OTOP1: variants seen among roughly 807,000 people sequenced by gnomAD.
OTOP1 encodes otopetrin 1, also known as proton channel OTOP1.
Under a neutral mutation model 52.9 loss-of-function variants are expected in OTOP1, and 59 were observed. The ratio of observed to expected loss-of-function variants is 1.12; its 90% CI spans 0.91 to 1.39. The LOEUF is 1.39. Ranked by LOEUF, OTOP1 falls within the 40% of genes most tolerant of loss-of-function variation. The pLI is 0.00. For synonymous variants in OTOP1, 317 were observed against 337.7 expected (o/e 0.94, Z 0.67); for missense variants, 761 against 800.9 (o/e 0.95, Z 0.60).
rs528495482 is a variant in OTOP1 at position 4,212,581 on chromosome 4, C to T, written c.540+287G>A. Among the ~76,000 whole-genome samples the T allele has an allele frequency of 1.6e-4, 24 of 152,226 alleles. No homozygotes were observed. In the South Asian group the frequency reaches 4.4e-3, roughly 28 times the overall value. On this transcript the variant is annotated intron_variant, in intron 2 of 5. Transcript: ENST00000296358. ...GTCACATACCCAGAAAATAAAATTCCCTCAAGCCTTTACTGTAGACTCTGG... is the reference window on the plus strand; with the variant it reads ...GTCACATACCCAGAAAATAAAATTCTCTCAAGCCTTTACTGTAGACTCTGG...
chr4:4,213,412 T>A (rs1429774771), intron 1 of OTOP1, among the ~76,000 whole-genome samples: 1 of 151,930 alleles, frequency 6.6e-6, no homozygotes, highest in Non-Finnish European at 1.5e-5. Context: ...AAATGAAAAA[T>A]TTTTGCACAT....
rs748162087 is a variant in OTOP1 at position 4,226,464 on chromosome 4, C to A, written c.401G>T (p.Arg134Leu). 2.8e-6 allele frequency: 4 copies of A among 1,451,626 alleles called. No homozygotes were observed. In the Admixed American group the frequency reaches 9.2e-5, roughly 33 times the overall value. 89.9% of individuals were successfully genotyped at this position (1,451,626 alleles called of 1,614,324 possible). A position where few individuals can be genotyped will look rare whatever the true frequency, so the allele number is the denominator to read the frequency against. The change falls in exon 1 of 6, where the codon CGC becomes CTC. Residue 134 changes from arginine (R) to leucine (L), a missense_variant and splice_region_variant. By Grantham distance (102) the Arg-to-Leu change is moderately radical. This residue lies in a region of OTOP1 where 632 missense variants were observed against 619.5 expected (regional missense o/e 1.02). Transcript: ENST00000296358. The part of the protein sequence containing the change: ...KDTHAGAGWL[R>L]GSITLFAVIT... ...GCTCGCCCGGCGCCTGGACTCACCG[C>A]GCAGCCAGCCGGCACCCGCGTGCGT...
intron 1 of OTOP1, among the ~76,000 whole-genome samples, chr4:4,214,041 G>A (rs185479094): frequency 6.8e-4 from 103 of 152,286 alleles, no homozygotes; most frequent in African/African-American, 2.3e-3. Context: ...AGTGAGCTGA[G>A]ATCATGCCAT....
chr4:4,205,417 C>T (rs1452902356), intron 3 of OTOP1, among the ~76,000 whole-genome samples: 1 of 152,196 alleles, frequency 6.6e-6, no homozygotes, highest in Non-Finnish European at 1.5e-5. Flanking sequence ...AAAGATCTTG[C>T]TACCTCCCCT....
At chr4:4,223,404 C>CAGAT (rs1717343517) in intron 1 of OTOP1, among the ~76,000 whole-genome samples, 1 of 121,126 alleles carries the variant, frequency 8.3e-6, no homozygotes, top group African/African-American at 3.9e-5. Context: ...GATGGATGGA[C>CAGAT]GGACAGATGG....
At chr4:4,218,220 C>T (rs1185016025) in intron 1 of OTOP1, among the ~76,000 whole-genome samples, 1 of 151,792 alleles carries the variant, frequency 6.6e-6, no homozygotes. Flanking sequence ...GGTGAAACCC[C>T]GTCTTTACTA....
Position 4,202,368 on chromosome 4 carries a change from T to C in OTOP1, c.730+80A>G. On this transcript the variant is annotated intron_variant, in intron 4 of 5. Coordinates refer to ENST00000296358, the MANE Select transcript of OTOP1 (RefSeq NM_177998.3). ...GCAGTTCTTTGGAACCTGCACTCCA[T>C]CTCTGAACTCTGTGGACTCTGCAGG... 2.5e-6 allele frequency: 4 copies of C among 1,589,920 alleles called. No individual in the cohort carries two copies. In the South Asian group the frequency reaches 3.3e-5, roughly 13 times the overall value.
intron 1 of OTOP1, among the ~76,000 whole-genome samples, chr4:4,222,596 G>A (rs1460346662): frequency 6.6e-6 from 1 of 152,108 alleles, no homozygotes; most frequent in Non-Finnish European, 1.5e-5. Context: ...TTTTCCACTG[G>A]ACCAGAAATA....
At chr4:4,194,482 T>C (rs1716578589) in intron 5 of OTOP1, among the ~76,000 whole-genome samples, 1 of 152,220 alleles carries the variant, frequency 6.6e-6, no homozygotes, top group African/African-American at 2.4e-5. Flanking sequence ...GCGCCCCTCC[T>C]CACTGCCTAG....
chr4:4,197,111 A>G (rs1215276545), intron 5 of OTOP1, 55 bp downstream of exon 5: 1 of 1,520,656 alleles, frequency 6.6e-7, no homozygotes, highest in Non-Finnish European at 8.9e-7. Flanking sequence ...CCTTGAACCG[A>G]AAATGAAAGT....
Position 4,202,492 on chromosome 4 carries a change from T to C in OTOP1, c.686A>G (p.His229Arg), listed in dbSNP as rs1405584578. 8 of 1,614,004 alleles carry C rather than the reference T, an allele frequency of 5.0e-6. No homozygotes were observed. The highest frequency in any genetic ancestry group is 5.9e-6 in the Non-Finnish European group (7 of 1,179,968). Residue 229 changes from histidine to arginine, a missense_variant, in exon 4 of 6, where the codon CAC (histidine) becomes CGC (arginine). By Grantham distance (29) the His-to-Arg change is conservative. This residue lies in a region of OTOP1 where 632 missense variants were observed against 619.5 expected (regional missense o/e 1.02). Transcript: ENST00000296358. Reference protein sequence around the residue: ...LNESKHQLNEHKERLITLGFG... With the variant: ...LNESKHQLNERKERLITLGFG... ...ACCCAGAGTGATGAGCCGTTCCTTG[T>C]GCTCATTGAGTTGGTGCTTTGACTC...
intron 4 of OTOP1, among the ~76,000 whole-genome samples, chr4:4,200,136 G>A (rs2108798444): frequency 6.6e-6 from 1 of 152,296 alleles, no homozygotes; most frequent in East Asian, 1.9e-4. Flanking sequence ...GGTAAGTGTT[G>A]TGGATTTTTT....
intron 3 of OTOP1, among the ~76,000 whole-genome samples, chr4:4,203,310 A>G (rs1174832083): frequency 2.0e-5 from 3 of 152,242 alleles, no homozygotes; most frequent in African/African-American, 7.2e-5. Context: ...CTACAGCTGC[A>G]GCCCACTGAG....
At chr4:4,208,391 A>G (rs1716954895) in intron 2 of OTOP1, among the ~76,000 whole-genome samples, 1 of 152,158 alleles carries the variant, frequency 6.6e-6, no homozygotes, top group East Asian at 1.9e-4. Context: ...GGGCCCCAAG[A>G]TTTATTTTCC....
intron 2 of OTOP1, among the ~76,000 whole-genome samples, chr4:4,206,341 T>C (rs1347935757): frequency 6.6e-6 from 1 of 152,186 alleles, no homozygotes. Context: ...GCCTCTTGGT[T>C]CAGGAAGAAA....
Position 4,199,233 on chromosome 4 carries a change from T to TGAGAGAGA in OTOP1, c.731-1138_731-1131dup, listed in dbSNP as rs71600542. Among the ~76,000 whole-genome samples, 664 of 98,532 alleles carry TGAGAGAGA rather than the reference T, an allele frequency of 6.7e-3. 66 individuals carry two copies. Among genetic ancestry groups the TGAGAGAGA allele is most frequent in the African/African-American group, 0.025 (560 of 22,616 alleles). 64.6% of individuals were successfully genotyped at this position (98,532 alleles called of 152,430 possible). A position where few individuals can be genotyped will look rare whatever the true frequency, so the allele number is the denominator to read the frequency against. On this transcript the variant is annotated intron_variant, in intron 4 of 5. Coordinates refer to ENST00000296358, the MANE Select transcript of OTOP1 (RefSeq NM_177998.3). Reference sequence around the variant, plus strand: ...ACTCAGGTAAAATTGTGTGTGTGTGTGAGAGAGAGAGAGAGAGAGAGAGAG... The same window carrying TGAGAGAGA: ...ACTCAGGTAAAATTGTGTGTGTGTGTGAGAGAGAGAGAGAGAGAGAGAGAGAGAGAGAG...
chr4:4,198,532 C>T (rs936728749), intron 4 of OTOP1, among the ~76,000 whole-genome samples: 1 of 152,152 alleles, frequency 6.6e-6, no homozygotes, highest in Non-Finnish European at 1.5e-5. Flanking sequence ...CCTGTATTTT[C>T]TAAGTTTTCT....
At chr4:4,195,953 A>G (rs1716614148) in intron 5 of OTOP1, among the ~76,000 whole-genome samples, 1 of 152,214 alleles carries the variant, frequency 6.6e-6, no homozygotes, top group Non-Finnish European at 1.5e-5. Flanking sequence ...TACCCTGCCC[A>G]GCCCCTAGCA....
At chr4:4,223,578 C>G (rs2980149) in intron 1 of OTOP1, among the ~76,000 whole-genome samples, 117,056 of 152,030 alleles carry the variant, frequency 0.77, 45,965 homozygotes, top group African/African-American at 0.92. Context: ...GAAGGAGGAG[C>G]AGAAGGAGAA....
Sources: allele counts gnomAD v4.1 joint callset (sites outside exome capture counted in the v4.1 genomes callset), GRCh38; gene constraint gnomAD v4.1.1; regional missense constraint gnomAD v4.1.1; transcripts MANE v1.5; gene names NCBI Gene and HGNC (gene_info 2026-07-23, HGNC 2026-07-21).